The following EPM2A variants were observed in gnomAD, a reference collection of about 807,000 sequenced individuals.
The protein encoded by EPM2A is laforin.
In EPM2A, 21 loss-of-function variants were observed where a neutral mutation model predicts 26.5. The observed-to-expected ratio is 0.79, with a 90% CI of 0.56 to 1.14. The LOEUF (loss-of-function observed/expected upper bound fraction) is 1.14. Among genes scored for constraint, EPM2A ranks in the 50% most tolerant of loss-of-function variants. The pLI is 0.00. For missense variants in EPM2A, 458 were observed against 440.8 expected, an observed-to-expected ratio of 1.04 and a Z score of -0.35; for synonymous variants, 217 against 177.6, an observed-to-expected ratio of 1.22 and a Z score of -1.76.
At chr6:145,686,557 A>G (rs1780931039) in intron 1 of EPM2A, among the ~76,000 whole-genome samples, 1 of 152,136 alleles carries the variant, frequency 6.6e-6, no homozygotes, top group Admixed American at 6.5e-5. Flanking sequence ...TCAGAGCTTC[A>G]TGGTACCTCT....
At chr6:145,608,110 A>T (rs528611827) in intron 2 of EPM2A, among the ~76,000 whole-genome samples, 1 of 152,324 alleles carries the variant, frequency 6.6e-6, no homozygotes, top group East Asian at 1.9e-4. Context: ...ACACAAAAAG[A>T]TATTTCGAGA....
intron 2 of EPM2A, among the ~76,000 whole-genome samples, chr6:145,653,642 C>G (rs28703599): frequency 0.068 from 10,282 of 152,194 alleles, 460 homozygotes; most frequent in South Asian, 0.11. Flanking sequence ...CAGAGTCTGA[C>G]AAGTCCAAAA....
At chr6:145,583,772 C>T (rs1384872324) in intron 2 of EPM2A, among the ~76,000 whole-genome samples, 1 of 152,258 alleles carries the variant, frequency 6.6e-6, no homozygotes, top group Non-Finnish European at 1.5e-5. Flanking sequence ...AGAGTGCCCA[C>T]ATGTCAGCAG....
At position 145,572,728 on chromosome 6, in the gene EPM2A, C is replaced by A. The variant is rs549062106; in HGVS notation, c.340+62517G>T. On this transcript the variant is annotated intron_variant, in intron 2 of 3. Coordinates refer to the EPM2A transcript ENST00000450221. ...ACAGCATCCCTATCTGCCACTGACA[C>A]CTCAAGCACCATTGGATCTGCTAGG... Among the ~76,000 whole-genome samples, 13 of 152,296 alleles carry A rather than the reference C, an allele frequency of 8.5e-5. No homozygotes were observed. The East Asian group carries it at 2.1e-3, about 25-fold the overall frequency.
chr6:145,708,591 T>C (rs1488672064), intron 1 of EPM2A, among the ~76,000 whole-genome samples: 1 of 152,226 alleles, frequency 6.6e-6, no homozygotes, highest in Non-Finnish European at 1.5e-5. Flanking sequence ...AGTCAAGAAT[T>C]GAGGTTTGGG....
intron 2 of EPM2A, among the ~76,000 whole-genome samples, chr6:145,615,127 A>G (rs1041677983): frequency 2.6e-5 from 4 of 152,164 alleles, no homozygotes; most frequent in African/African-American, 9.7e-5. Flanking sequence ...CAAGCATGAT[A>G]TGGTTTAGCT....
At chr6:145,635,179 TAGAC>T (rs200066315) in intron 3 of EPM2A, 62 bp downstream of exon 3, 26,694 of 1,580,504 alleles carry the variant, frequency 0.017, 346 homozygotes, top group African/African-American at 0.047. Flanking sequence ...AAATTATAGA[TAGAC>T]AGACAGACAG....
At chr6:145,543,359 C>T (rs1582839425) in intron 2 of EPM2A, among the ~76,000 whole-genome samples, 1 of 152,086 alleles carries the variant, frequency 6.6e-6, no homozygotes, top group South Asian at 2.1e-4. Context: ...TAAATCTAGG[C>T]CAGTGTCAAC....
downstream of EPM2A, among the ~76,000 whole-genome samples, chr6:145,500,132 A>T (rs1779869916): frequency 6.6e-6 from 1 of 152,232 alleles, no homozygotes; most frequent in Non-Finnish European, 1.5e-5. Context: ...GGGTAAAAAG[A>T]ATTTGTGAGC....
At chr6:145,582,607 T>C (rs115379454) in intron 2 of EPM2A, among the ~76,000 whole-genome samples, 127 of 152,352 alleles carry the variant, frequency 8.3e-4, no homozygotes, top group African/African-American at 3.0e-3. Context: ...ATATTGACCT[T>C]AGATAATCTG....
intron 2 of EPM2A, among the ~76,000 whole-genome samples, chr6:145,668,172 A>AG (rs2128596068): frequency 6.6e-6 from 1 of 152,140 alleles, no homozygotes; most frequent in Non-Finnish European, 1.5e-5. Context: ...AATAAAAAAA[A>AG]AAGGTTAATA....
intron 2 of EPM2A, among the ~76,000 whole-genome samples, chr6:145,545,450 TG>T (rs1780571194): frequency 6.6e-6 from 1 of 152,146 alleles, no homozygotes; most frequent in African/African-American, 2.4e-5. Flanking sequence ...ATCAAGTACA[TG>T]AGGAAACATA....
intron 4 of EPM2A, among the ~76,000 whole-genome samples, chr6:145,424,861 G>A (rs925013594): frequency 2.0e-5 from 3 of 152,134 alleles, no homozygotes; most frequent in African/African-American, 7.2e-5. Context: ...AGATTTCCTA[G>A]TAACCCCCTA....
chr6:145,660,599 C>T (rs1303171676), intron 2 of EPM2A, among the ~76,000 whole-genome samples: 7 of 152,058 alleles, frequency 4.6e-5, no homozygotes, highest in African/African-American at 7.2e-5. Context: ...GTCAGGAATT[C>T]GAGACCAGCC....
chr6:145,564,424 T>A (rs1167955931), intron 2 of EPM2A, among the ~76,000 whole-genome samples: 1 of 152,168 alleles, frequency 6.6e-6, no homozygotes, highest in African/African-American at 2.4e-5. Flanking sequence ...TCCAGAGAAC[T>A]CCACCCAACA....
chr6:145,534,385 A>G lies in EPM2A; in HGVS notation c.341-31810T>C, dbSNP rs144842078. Reference sequence around the variant, plus strand: ...TTCAAGACAATTCAGAAAGTTTTATATCTCTGCAAATGCTAAAGAAAACCA... The same window carrying G: ...TTCAAGACAATTCAGAAAGTTTTATGTCTCTGCAAATGCTAAAGAAAACCA... On this transcript the variant is annotated intron_variant, in intron 2 of 3. Coordinates refer to the EPM2A transcript ENST00000450221. 1.8e-3 allele frequency among the ~76,000 whole-genome samples: 272 copies of G among 152,374 alleles called. 1 individual carries two copies. Among genetic ancestry groups the G allele is most frequent in the African/African-American group, 6.2e-3 (258 of 41,598 alleles).
At chr6:145,388,122 T>A (rs1778287831) in intron 4 of EPM2A, among the ~76,000 whole-genome samples, 1 of 152,180 alleles carries the variant, frequency 6.6e-6, no homozygotes, top group Non-Finnish European at 1.5e-5. Context: ...GAAACAAAGA[T>A]GGCAGGAGGT....
intron 4 of EPM2A, among the ~76,000 whole-genome samples, chr6:145,403,020 C>T (rs1282300139): frequency 6.6e-6 from 1 of 152,116 alleles, no homozygotes; most frequent in Non-Finnish European, 1.5e-5. Flanking sequence ...TTCCTCAAAC[C>T]TGATACTATT....
chr6:145,386,874 G>C (rs925737326), intron 4 of EPM2A, among the ~76,000 whole-genome samples: 3 of 151,962 alleles, frequency 2.0e-5, no homozygotes, highest in Non-Finnish European at 4.4e-5. Flanking sequence ...GACTCTTTTG[G>C]GTGCCAGTAA....
Sources: gnomAD v4.1 joint callset for allele counts (sites outside exome capture counted in the v4.1 genomes callset) on GRCh38, gnomAD v4.1.1 for gene constraint, MANE v1.5 for transcripts, NCBI Gene and HGNC (gene_info 2026-07-23, HGNC 2026-07-21) for gene names.